Variants in CNTNAP2 observed in about 807,000 individuals in gnomAD.
The protein encoded by CNTNAP2 is contactin-associated protein-like 2.
A neutral mutation model predicts 155.2 loss-of-function variants in CNTNAP2; 98 were observed. The ratio of observed to expected loss-of-function variants is 0.63; its 90% CI spans 0.54 to 0.75. The LOEUF (loss-of-function observed/expected upper bound fraction) is 0.75. Among genes scored for constraint, CNTNAP2 ranks in the 30% least tolerant of loss-of-function variants. The probability of loss-of-function intolerance (pLI) is 0.00; values close to 1 mark genes in which losing one functional copy is unlikely to be tolerated. For missense variants in CNTNAP2, 1,727 were observed against 1,688.1 expected, an observed-to-expected ratio of 1.02 and a Z score of -0.40; for synonymous variants, 651 against 631.2, an observed-to-expected ratio of 1.03 and a Z score of -0.47.
chr7:146,622,326 G>A (rs1402691741), intron 1 of CNTNAP2, among the ~76,000 whole-genome samples: 1 of 151,010 alleles, frequency 6.6e-6, no homozygotes. Context: ...TCCAGTCTTA[G>A]AATCAACCTT....
intron 13 of CNTNAP2, among the ~76,000 whole-genome samples, chr7:147,778,702 G>A (rs1178884805): frequency 6.6e-5 from 10 of 152,140 alleles, no homozygotes; most frequent in African/African-American, 2.4e-4. Flanking sequence ...TGGTAGAGAC[G>A]GGGTTTCACC....
intron 1 of CNTNAP2, among the ~76,000 whole-genome samples, chr7:146,467,500 G>A (rs1483286635): frequency 6.6e-6 from 1 of 152,090 alleles, no homozygotes; most frequent in Non-Finnish European, 1.5e-5. Context: ...TTTCCAGACT[G>A]TCCATCCATC....
intron 1 of CNTNAP2, among the ~76,000 whole-genome samples, chr7:146,462,237 A>G (rs1796648075): frequency 6.6e-6 from 1 of 152,210 alleles, no homozygotes; most frequent in Non-Finnish European, 1.5e-5. Context: ...AAACCAAAGC[A>G]TAGCCTTGTT....
At chr7:148,346,748 G>A (rs575756190) in intron 21 of CNTNAP2, among the ~76,000 whole-genome samples, 1 of 147,964 alleles carries the variant, frequency 6.8e-6, no homozygotes, top group South Asian at 2.2e-4. Flanking sequence ...CTCCAGCCTG[G>A]GCAACAAGAG....
At chr7:147,032,707 AAG>A (rs958288514) in intron 3 of CNTNAP2, among the ~76,000 whole-genome samples, 17 of 150,916 alleles carry the variant, frequency 1.1e-4, no homozygotes, top group African/African-American at 3.9e-4. Context: ...GAAGGAAAGA[AAG>A]AGAGAAAAAA....
At chr7:146,738,872 G>T (rs1468072046) in intron 1 of CNTNAP2, among the ~76,000 whole-genome samples, 1 of 150,750 alleles carries the variant, frequency 6.6e-6, no homozygotes, top group African/African-American at 2.4e-5. Flanking sequence ...ACTCTTGGTA[G>T]ATGGTGTATA....
Position 148,267,270 on chromosome 7 carries a change from T to C in CNTNAP2, c.3475+144T>C, listed in dbSNP as rs1796690095. 3 of 749,618 alleles carry C rather than the reference T, an allele frequency of 4.0e-6. No homozygotes were observed. The South Asian group carries it at 4.5e-5, about 11-fold the overall frequency. The allele number at this position is 749,618 out of a possible 1,614,324, so 46.4% of individuals were successfully genotyped here. ...TCTGTACAGGAAAGTTACGTGGTTG[T>C]TCTCGGTGTTGCACAAGCAAAGCGT... is the stretch of plus-strand genomic sequence containing the variant. On this transcript the variant is annotated intron_variant, in intron 21 of 23. Transcript: ENST00000361727.
intron 15 of CNTNAP2, among the ~76,000 whole-genome samples, chr7:148,072,451 T>G (rs907553018): frequency 6.6e-6 from 1 of 152,194 alleles, no homozygotes; most frequent in African/African-American, 2.4e-5. Flanking sequence ...TCCAATAAAA[T>G]CTTTTTTATA....
At chr7:147,486,113 G>A in intron 11 of CNTNAP2, 72 bp downstream of exon 11, 1 of 1,315,532 alleles carries the variant, frequency 7.6e-7, no homozygotes, top group Non-Finnish European at 1.1e-6. Flanking sequence ...GTGCTTTGAA[G>A]CTCAGCAACC....
rs1320497258 is a variant in CNTNAP2 at position 147,588,009 on chromosome 7, CT to C, written c.1897+25753del. Among the ~76,000 whole-genome samples the C allele has an allele frequency of 2.0e-5, 3 of 152,106 alleles. No homozygotes were observed. The East Asian group carries it at 5.8e-4, about 29-fold the overall frequency. On this transcript the variant is annotated intron_variant, in intron 12 of 23. Coordinates refer to ENST00000361727, the MANE Select transcript of CNTNAP2 (RefSeq NM_014141.6). ...CTGTTTAGAAAATGAGACAATTGAT[CT>C]AGATAAAATTTAAGCTCCCATCCAA...
At chr7:147,867,172 T>C (rs1285031331) in intron 13 of CNTNAP2, among the ~76,000 whole-genome samples, 2 of 152,148 alleles carry the variant, frequency 1.3e-5, no homozygotes, top group East Asian at 3.9e-4. Flanking sequence ...AGCATTTGCT[T>C]GTGTGTAAAG....
At position 148,034,380 on chromosome 7, in the gene CNTNAP2, G is replaced by A. The variant is rs180780180; in HGVS notation, c.2383+56391G>A. ...TATTGGGAGGTTAAGCCTAATGGGA[G>A]GTGTTTGGGTCATAAGGGCACCACT... On this transcript the variant is annotated intron_variant, in intron 15 of 23. Coordinates refer to ENST00000361727, the MANE Select transcript of CNTNAP2 (RefSeq NM_014141.6). Among the ~76,000 whole-genome samples, 3 of 152,286 alleles carry A rather than the reference G, an allele frequency of 2.0e-5. No homozygotes were observed. In the East Asian group the frequency reaches 5.8e-4, roughly 29 times the overall value.
intron 21 of CNTNAP2, 64 bp downstream of exon 21, chr7:148,267,190 G>C (rs955635886): frequency 7.1e-7 from 1 of 1,414,912 alleles, no homozygotes. Context: ...TGTGAGTTTG[G>C]ATTTTAAAAC....
intron 13 of CNTNAP2, among the ~76,000 whole-genome samples, chr7:147,799,911 C>T (rs550486054): frequency 2.4e-4 from 36 of 152,182 alleles, no homozygotes; most frequent in African/African-American, 7.0e-4. Flanking sequence ...TGATCTTTGC[C>T]GTTAAATCTT....
chr7:147,796,059 T>C (rs903749330), intron 13 of CNTNAP2, among the ~76,000 whole-genome samples: 11 of 152,222 alleles, frequency 7.2e-5, no homozygotes, highest in Admixed American at 7.2e-4. Context: ...CCACAGATTA[T>C]CCCCTTATGT....
chr7:147,135,629 G>A (rs1466726847), intron 8 of CNTNAP2, among the ~76,000 whole-genome samples: 1 of 151,566 alleles, frequency 6.6e-6, no homozygotes, highest in African/African-American at 2.4e-5. Flanking sequence ...CTAGAACCAT[G>A]TTTTTCAAAT....
At chr7:147,086,924 T>A (rs1478811986) in intron 4 of CNTNAP2, among the ~76,000 whole-genome samples, 2 of 152,242 alleles carry the variant, frequency 1.3e-5, no homozygotes, top group East Asian at 3.8e-4. Flanking sequence ...AGTTAAGTTT[T>A]ACACCTGTTA....
At chr7:147,993,101 C>A (rs1008162744) in intron 15 of CNTNAP2, among the ~76,000 whole-genome samples, 1 of 152,178 alleles carries the variant, frequency 6.6e-6, no homozygotes, top group African/African-American at 2.4e-5. Flanking sequence ...TTCACGACGT[C>A]AGGATTGCTA....
At chr7:148,352,983 C>T (rs751985123) in intron 21 of CNTNAP2, among the ~76,000 whole-genome samples, 2 of 152,098 alleles carry the variant, frequency 1.3e-5, no homozygotes, top group African/African-American at 2.4e-5. Context: ...GGCCAGATGA[C>T]GATGGTAAAG....
Sources: allele counts gnomAD v4.1 joint callset (sites outside exome capture counted in the v4.1 genomes callset), GRCh38; gene constraint gnomAD v4.1.1; transcripts MANE v1.5; gene names NCBI Gene and HGNC (gene_info 2026-07-23, HGNC 2026-07-21).